The following CHST9 variants were observed in gnomAD, a reference collection of about 807,000 sequenced individuals.
CHST9 encodes GalNAc-4-sulfotransferase 2.
CHST9 carries 41 observed loss-of-function variants against 44.4 expected under a neutral mutation model. The observed-to-expected ratio is 0.92, with a 90% confidence interval of 0.72 to 1.20. The LOEUF (loss-of-function observed/expected upper bound fraction) is 1.20, where lower values mean the gene tolerates loss of function less well. CHST9 is among the 50% of genes most tolerant of loss of function. The probability of loss-of-function intolerance (pLI) is 0.00; values close to 1 mark genes in which losing one functional copy is unlikely to be tolerated. For missense variants in CHST9, 504 were observed against 516.5 expected (o/e 0.98, Z 0.23); for synonymous variants, 171 against 178.4 (o/e 0.96, Z 0.33).
chr18:27,006,604 A>G (rs2057018897), intron 4 of CHST9, among the ~76,000 whole-genome samples: 1 of 152,170 alleles, frequency 6.6e-6, no homozygotes, highest in South Asian at 2.1e-4. Flanking sequence ...TTTGTTTCTA[A>G]AGCCCATTTC....
chr18:27,129,371 T>A (rs1349641461), intron 2 of CHST9, among the ~76,000 whole-genome samples: 6 of 151,162 alleles, frequency 4.0e-5, no homozygotes, highest in Admixed American at 3.9e-4. Context: ...TTTTATTTTT[T>A]ATTTTTTTTA....
At chr18:27,001,382 T>G (rs1292148306) in intron 4 of CHST9, among the ~76,000 whole-genome samples, 1 of 152,204 alleles carries the variant, frequency 6.6e-6, no homozygotes. Flanking sequence ...ATGCTGCATC[T>G]AGTCCAAGAA....
At chr18:27,065,556 G>A (rs2057772820) in intron 2 of CHST9, among the ~76,000 whole-genome samples, 1 of 147,118 alleles carries the variant, frequency 6.8e-6, no homozygotes, top group African/African-American at 2.5e-5. Context: ...GTATAATGAA[G>A]TAAGAGGATT....
intron 2 of CHST9, among the ~76,000 whole-genome samples, chr18:27,101,442 A>G (rs1394699301): frequency 6.6e-6 from 1 of 151,048 alleles, no homozygotes; most frequent in South Asian, 2.1e-4. Context: ...ATACAAAAAA[A>G]ATTAGCCGGG....
chr18:27,008,924 T>TC (rs397736867), intron 4 of CHST9, among the ~76,000 whole-genome samples: 2 of 151,548 alleles, frequency 1.3e-5, no homozygotes, highest in African/African-American at 4.8e-5. Context: ...TTTTTTTTTT[T>TC]CCTTTCCTTT....
chr18:27,169,284 T>A (rs2058815146), intron 1 of CHST9, among the ~76,000 whole-genome samples: 1 of 152,200 alleles, frequency 6.6e-6, no homozygotes, highest in Non-Finnish European at 1.5e-5. Flanking sequence ...GCTGAATACA[T>A]AAATTTAGAA....
At chr18:27,021,438 C>A (rs2057225314) in intron 4 of CHST9, among the ~76,000 whole-genome samples, 1 of 152,150 alleles carries the variant, frequency 6.6e-6, no homozygotes, top group Non-Finnish European at 1.5e-5. Flanking sequence ...CTTCTGAGAT[C>A]TGCACTGGCC....
chr18:27,120,858 A>C (rs1258373305), intron 2 of CHST9, among the ~76,000 whole-genome samples: 2 of 152,200 alleles, frequency 1.3e-5, no homozygotes, highest in East Asian at 1.9e-4. Context: ...GGGTTTTCCC[A>C]AAAACAGGAA....
At chr18:27,163,914 G>T (rs946112796) in intron 1 of CHST9, among the ~76,000 whole-genome samples, 1 of 152,146 alleles carries the variant, frequency 6.6e-6, no homozygotes, top group Admixed American at 6.5e-5. Context: ...CTCATGCTGG[G>T]AGCTGTAGAC....
chr18:27,062,269 G>A (rs750982998), intron 2 of CHST9, among the ~76,000 whole-genome samples: 6 of 152,000 alleles, frequency 3.9e-5, no homozygotes, highest in Non-Finnish European at 7.4e-5. Context: ...CCATTAACTT[G>A]TCATTTACAT....
chr18:26,936,363 G>A (rs1434446380), intron 5 of CHST9: 2 of 151,262 alleles, frequency 1.3e-5, no homozygotes, highest in Non-Finnish European at 3.0e-5. Context: ...ATGGTTTAAA[G>A]GTAGCCAAAA....
At chr18:27,049,481 C>T (rs967050756) in intron 2 of CHST9, among the ~76,000 whole-genome samples, 1 of 152,072 alleles carries the variant, frequency 6.6e-6, no homozygotes, top group African/African-American at 2.4e-5. Flanking sequence ...ACGCATCTGA[C>T]ATTGGAGCAT....
At chr18:27,159,137 G>T (rs905602317) in intron 1 of CHST9, among the ~76,000 whole-genome samples, 5 of 151,968 alleles carry the variant, frequency 3.3e-5, no homozygotes, top group African/African-American at 7.3e-5. Flanking sequence ...GTCAATTTTG[G>T]CTTTTGTTGC....
In CHST9 at chr18:26,916,788, G is replaced by C. The variant is rs747236996; in HGVS notation, c.803C>G (p.Thr268Ser). 4 of 1,613,836 alleles carry C rather than the reference G, an allele frequency of 2.5e-6. No individual in the cohort carries two copies. The highest frequency in any genetic ancestry group is 3.4e-6 in the Non-Finnish European group (4 of 1,179,848). Residue 268 changes from threonine (T) to serine (S), a missense_variant, in exon 6 of 6, where the codon ACC (threonine) becomes AGC (serine). By Grantham distance (58) the Thr-to-Ser change is moderately conservative (BLOSUM62 1). Coordinates refer to ENST00000618847, the MANE Select transcript of CHST9 (RefSeq NM_031422.6). ...AGCTTTGGTGTAAGTATTTAAGCGG[G>C]TATATATCCCTTTTAGGTCAAAGCT... Reference protein sequence around the residue: ...LDSFDLKGIYTRLNTYTKAVF... With the variant: ...LDSFDLKGIYSRLNTYTKAVF...
chr18:27,160,085 A>T (rs1256075049), intron 1 of CHST9, among the ~76,000 whole-genome samples: 5 of 152,062 alleles, frequency 3.3e-5, no homozygotes, highest in Non-Finnish European at 7.4e-5. Flanking sequence ...TCTTTTCCTA[A>T]TTGAATACCC....
intron 1 of CHST9, among the ~76,000 whole-genome samples, chr18:27,155,687 C>T (rs1302285199): frequency 3.9e-5 from 6 of 152,070 alleles, no homozygotes; most frequent in Non-Finnish European, 8.8e-5. Flanking sequence ...TACACAATTC[C>T]TTCAGCCATT....
chr18:27,125,016 GT>G (rs1314401584), intron 2 of CHST9, among the ~76,000 whole-genome samples: 2 of 152,124 alleles, frequency 1.3e-5, no homozygotes, highest in African/African-American at 2.4e-5. Flanking sequence ...CTGCTACTCG[GT>G]TTATTCCTGT....
At chr18:26,939,959 A>G (rs9946015) in intron 5 of CHST9, among the ~76,000 whole-genome samples, 5,984 of 152,234 alleles carry the variant, frequency 0.039, 360 homozygotes, top group African/African-American at 0.13. Context: ...GCAGAGGGGA[A>G]GGTAGAAGTA....
At chr18:27,127,334 G>C (rs1323852962) in intron 2 of CHST9, among the ~76,000 whole-genome samples, 2 of 152,158 alleles carry the variant, frequency 1.3e-5, no homozygotes, top group African/African-American at 4.8e-5. Flanking sequence ...TAAGAAAACT[G>C]GGAAGGCCTG....
Sources: gnomAD v4.1 joint callset for allele counts (sites outside exome capture counted in the v4.1 genomes callset) on GRCh38, gnomAD v4.1.1 for gene constraint, MANE v1.5 for transcripts, NCBI Gene and HGNC (gene_info 2026-07-23, HGNC 2026-07-21) for gene names.